The following RORA variants were observed in gnomAD, a reference collection of about 807,000 sequenced individuals.
The protein encoded by RORA is nuclear receptor ROR-alpha.
A neutral mutation model predicts 69.5 loss-of-function variants in RORA; 7 were observed. The observed-to-expected ratio is 0.10, with a 90% CI of 0.06 to 0.19. RORA has a LOEUF of 0.19. Ranked by LOEUF, RORA falls within the 10% of genes least tolerant of loss-of-function variation. The pLI, the probability that RORA is intolerant of heterozygous loss-of-function variation, is 1.00. For synonymous variants in RORA, 261 were observed against 240.8 expected (o/e 1.08, Z -0.78); for missense variants, 457 against 663.0 (o/e 0.69, Z 3.41).
At chr15:61,064,470 C>G (rs908989317) in intron 1 of RORA, among the ~76,000 whole-genome samples, 2 of 152,198 alleles carry the variant, frequency 1.3e-5, no homozygotes, top group Non-Finnish European at 2.9e-5. Context: ...TACTCCCACA[C>G]AAGCAAACTG....
intron 1 of RORA, among the ~76,000 whole-genome samples, chr15:60,855,988 G>C (rs1422332899): frequency 2.0e-5 from 3 of 151,964 alleles, no homozygotes; most frequent in African/African-American, 7.3e-5. Flanking sequence ...AGATTTCTGG[G>C]CTAACCTCAT....
chr15:60,993,619 G>A (rs1894446819), intron 1 of RORA, among the ~76,000 whole-genome samples: 1 of 139,042 alleles, frequency 7.2e-6, no homozygotes, highest in Non-Finnish European at 1.5e-5. Context: ...CTCCAACCTG[G>A]GTGACAGAGC....
chr15:61,121,532 CTT>C (rs1367605214), intron 1 of RORA, among the ~76,000 whole-genome samples: 3 of 152,146 alleles, frequency 2.0e-5, no homozygotes, highest in Non-Finnish European at 4.4e-5. Context: ...TTGCACGTCT[CTT>C]TGTCTTTGGG....
chr15:60,920,943 T>C (rs1394645955), intron 1 of RORA, among the ~76,000 whole-genome samples: 2 of 152,346 alleles, frequency 1.3e-5, no homozygotes, highest in South Asian at 2.1e-4. Flanking sequence ...CTTGAAGGTC[T>C]GGATTGGGCC....
chr15:60,536,412 G>GAA (rs1241871040), intron 2 of RORA, among the ~76,000 whole-genome samples: 1 of 152,174 alleles, frequency 6.6e-6, no homozygotes, highest in African/African-American at 2.4e-5. Context: ...TGGGGATAGA[G>GAA]AAAAGCTGCT....
chr15:60,948,440 G>C (rs1595839063), intron 1 of RORA, among the ~76,000 whole-genome samples: 1 of 152,276 alleles, frequency 6.6e-6, no homozygotes, highest in Admixed American at 6.5e-5. Flanking sequence ...TACTCTCCAT[G>C]GTTCATTTCC....
At chr15:60,986,611 G>A (rs3803480) in intron 1 of RORA, among the ~76,000 whole-genome samples, 1 of 152,022 alleles carries the variant, frequency 6.6e-6, no homozygotes, top group Non-Finnish European at 1.5e-5. Flanking sequence ...GGTTATCAGG[G>A]ACAGGGTGAA....
intron 1 of RORA, among the ~76,000 whole-genome samples, chr15:61,172,153 T>G (rs192294288): frequency 2.0e-5 from 3 of 152,082 alleles, no homozygotes; most frequent in African/African-American, 4.8e-5. Flanking sequence ...AAAAAAATGG[T>G]ATAGTGTCCT....
intron 1 of RORA, among the ~76,000 whole-genome samples, chr15:61,046,062 C>T (rs1295609585): frequency 6.6e-6 from 1 of 151,882 alleles, no homozygotes; most frequent in East Asian, 1.9e-4. Flanking sequence ...CTGAGAAATC[C>T]GGGGACAGGA....
intron 1 of RORA, among the ~76,000 whole-genome samples, chr15:60,819,204 A>C (rs2072855566): frequency 6.6e-6 from 1 of 152,226 alleles, no homozygotes; most frequent in South Asian, 2.1e-4. Context: ...AAATTCCTTC[A>C]CCACCATAAT....
chr15:60,754,595 C>T (rs1203649780), intron 1 of RORA, among the ~76,000 whole-genome samples: 2 of 152,176 alleles, frequency 1.3e-5, no homozygotes, highest in Non-Finnish European at 2.9e-5. Context: ...TTCCCTCATT[C>T]TTCAGGGACA....
intron 5 of RORA, among the ~76,000 whole-genome samples, chr15:60,510,847 G>A (rs1359579490): frequency 6.6e-6 from 1 of 151,938 alleles, no homozygotes; most frequent in African/African-American, 2.4e-5. Flanking sequence ...ATATGTCTGT[G>A]GGCCAAGTTC....
intron 1 of RORA, among the ~76,000 whole-genome samples, chr15:60,835,536 G>A (rs909522935): frequency 2.0e-5 from 3 of 152,206 alleles, no homozygotes; most frequent in African/African-American, 7.2e-5. Flanking sequence ...TGAGACACCA[G>A]TGAAAACGAC....
intron 1 of RORA, among the ~76,000 whole-genome samples, chr15:60,757,602 A>G (rs540472378): frequency 6.6e-6 from 1 of 152,208 alleles, no homozygotes; most frequent in Admixed American, 6.5e-5. Context: ...CCGTCTTCTG[A>G]TTCTGAGTAT....
At chr15:60,873,052 G>A (rs1359911817) in intron 1 of RORA, among the ~76,000 whole-genome samples, 1 of 151,844 alleles carries the variant, frequency 6.6e-6, no homozygotes, top group Non-Finnish European at 1.5e-5. Flanking sequence ...ATCAAGTGCC[G>A]AGTCTATAAA....
At chr15:60,945,827 G>C (rs1200187809) in intron 1 of RORA, among the ~76,000 whole-genome samples, 1 of 152,174 alleles carries the variant, frequency 6.6e-6, no homozygotes, top group African/African-American at 2.4e-5. Flanking sequence ...TCACTTAATT[G>C]GCCAGAAGAG....
chr15:61,168,358 AG>A (rs1379139449), intron 1 of RORA, among the ~76,000 whole-genome samples: 1 of 151,818 alleles, frequency 6.6e-6, no homozygotes. Flanking sequence ...CCTCCCTACT[AG>A]GTGAGACTAC....
intron 1 of RORA, among the ~76,000 whole-genome samples, chr15:61,000,994 GA>G (rs558881123): frequency 9.9e-4 from 150 of 151,694 alleles, no homozygotes; most frequent in African/African-American, 3.5e-3. Context: ...AAAATAAATG[GA>G]AAAAAAAGAC....
intron 1 of RORA, among the ~76,000 whole-genome samples, chr15:60,849,980 G>A (rs2073306573): frequency 1.3e-5 from 2 of 152,272 alleles, no homozygotes; most frequent in South Asian, 2.1e-4. Context: ...CTAATGAGAC[G>A]TCATCATGAA....
Sources: allele counts gnomAD v4.1 joint callset (sites outside exome capture counted in the v4.1 genomes callset), GRCh38; gene constraint gnomAD v4.1.1; transcripts MANE v1.5; gene names NCBI Gene and HGNC (gene_info 2026-07-23, HGNC 2026-07-21).